The following ZNF536 variants were observed in gnomAD, a reference collection of about 807,000 sequenced individuals.
ZNF536 encodes zinc finger protein 536.
A neutral mutation model predicts 84.5 loss-of-function variants in ZNF536; 13 were observed. The ratio of observed to expected loss-of-function variants is 0.15; its 90% CI spans 0.10 to 0.24. The LOEUF (loss-of-function observed/expected upper bound fraction) is 0.24, where lower values mean the gene tolerates loss of function less well. Among genes scored for constraint, ZNF536 ranks in the 10% least tolerant of loss-of-function variants. The pLI is 1.00. For synonymous variants in ZNF536, 811 were observed against 742.5 expected (o/e 1.09, Z -1.50); for missense variants, 1,536 against 1,747.5 (o/e 0.88, Z 2.16).
At chr19:30,524,566 C>T (rs2044497314) in intron 2 of ZNF536, among the ~76,000 whole-genome samples, 1 of 152,170 alleles carries the variant, frequency 6.6e-6, no homozygotes, top group Non-Finnish European at 1.5e-5. Context: ...TTTCAGTGTG[C>T]TCAATTCCCA....
intron 1 of ZNF536, among the ~76,000 whole-genome samples, chr19:30,606,891 C>G (rs915812922): frequency 6.6e-6 from 1 of 151,994 alleles, no homozygotes. Flanking sequence ...TGTCAATCCT[C>G]GAATCATGGA....
At chr19:30,522,721 G>A (rs905049830) in intron 2 of ZNF536, among the ~76,000 whole-genome samples, 5 of 152,028 alleles carry the variant, frequency 3.3e-5, no homozygotes, top group East Asian at 1.9e-4. Context: ...AATCATTTTG[G>A]TCCCCTGTCT....
intron 1 of ZNF536, among the ~76,000 whole-genome samples, chr19:30,249,376 G>A (rs1182708531): frequency 4.0e-5 from 6 of 148,844 alleles, no homozygotes; most frequent in East Asian, 4.2e-4. Context: ...GGACAAGGAG[G>A]AGGGGGAGGA....
intron 1 of ZNF536, among the ~76,000 whole-genome samples, chr19:30,708,008 C>CAAAAAAA (rs60270540): frequency 9.7e-6 from 1 of 102,946 alleles, no homozygotes. Context: ...GAGACTCCAT[C>CAAAAAAA]AAAAAAAAAA....
chr19:30,384,226 CCCTCCCTTCCTTCTTT>C (rs2049231368), intron 1 of ZNF536, among the ~76,000 whole-genome samples: 2 of 57,344 alleles, frequency 3.5e-5, no homozygotes, highest in African/African-American at 1.0e-4. Context: ...CTCCCTCCCT[CCCTCCCTTCCTTCTTT>C]CCTCCCTCCC....
intron 2 of ZNF536, among the ~76,000 whole-genome samples, chr19:30,494,347 C>T (rs915508138): frequency 2.0e-5 from 3 of 152,216 alleles, no homozygotes; most frequent in Admixed American, 2.0e-4. Flanking sequence ...AAGCACTGGG[C>T]TCCTTGCAAA....
chr19:30,418,316 C>T (rs1245779768), intron 1 of ZNF536, among the ~76,000 whole-genome samples: 1 of 152,168 alleles, frequency 6.6e-6, no homozygotes, highest in Non-Finnish European at 1.5e-5. Context: ...CTTCTCTTCT[C>T]TGGAGAAGGC....
chr19:30,549,834 T>G (rs1305454321), intron 4 of ZNF536, among the ~76,000 whole-genome samples: 6 of 152,170 alleles, frequency 3.9e-5, no homozygotes, highest in South Asian at 2.1e-4. Context: ...AAAATCGACT[T>G]ACAAAACAAA....
intron 1 of ZNF536, among the ~76,000 whole-genome samples, chr19:30,400,962 C>T (rs140635754): frequency 2.0e-5 from 3 of 151,926 alleles, no homozygotes; most frequent in Non-Finnish European, 4.4e-5. Flanking sequence ...GATTTTTTTC[C>T]TATATTATCT....
At chr19:30,634,877 C>T (rs1268289838) in intron 1 of ZNF536, among the ~76,000 whole-genome samples, 1 of 152,046 alleles carries the variant, frequency 6.6e-6, no homozygotes, top group Non-Finnish European at 1.5e-5. Context: ...TGCCTGGGTA[C>T]GTGTGTGTCT....
chr19:30,713,526 AGTT>A (rs1470688772), exon 2 of ZNF536: 1 of 152,204 alleles, frequency 6.6e-6, no homozygotes, highest in Non-Finnish European at 1.5e-5. Context: ...AAGTATTAAA[AGTT>A]GTTTTTTCAG....
intron 1 of ZNF536, among the ~76,000 whole-genome samples, chr19:30,624,591 T>C (rs1380348417): frequency 2.0e-4 from 30 of 152,212 alleles, no homozygotes; most frequent in Non-Finnish European, 1.5e-5. Context: ...AGTGCATTAT[T>C]ATTTCAGGCT....
intron 1 of ZNF536, among the ~76,000 whole-genome samples, chr19:30,236,188 G>A (rs903560278): frequency 6.6e-6 from 1 of 152,252 alleles, no homozygotes. Context: ...TGGAGGGCTT[G>A]CTTCTGTGCT....
chr19:30,317,386 T>G (rs2046715024), intron 2 of ZNF536, among the ~76,000 whole-genome samples: 1 of 152,230 alleles, frequency 6.6e-6, no homozygotes, highest in Admixed American at 6.5e-5. Context: ...TGCAGGTGCC[T>G]CTGAGTTCAG....
chr19:30,572,392 G>C (rs934295459), intron 1 of ZNF536, among the ~76,000 whole-genome samples: 1 of 152,178 alleles, frequency 6.6e-6, no homozygotes, highest in Non-Finnish European at 1.5e-5. Flanking sequence ...GATATGGAGA[G>C]AGGAGAGGTG....
At chr19:30,294,813 C>T in intron 2 of ZNF536, among the ~76,000 whole-genome samples, 1 of 152,164 alleles carries the variant, frequency 6.6e-6, no homozygotes, top group East Asian at 1.9e-4. Flanking sequence ...CCTACAGGGA[C>T]TGAAGGCTGA....
At chr19:30,273,847 TTAAC>T (rs1184706689) in intron 1 of ZNF536, among the ~76,000 whole-genome samples, 9 of 152,242 alleles carry the variant, frequency 5.9e-5, no homozygotes, top group African/African-American at 1.2e-4. Flanking sequence ...ATGTATGTTC[TTAAC>T]TATGTTCATG....
intron 1 of ZNF536, among the ~76,000 whole-genome samples, chr19:30,236,078 A>G (rs986130266): frequency 3.3e-5 from 5 of 152,120 alleles, no homozygotes; most frequent in African/African-American, 9.7e-5. Context: ...AGAGTTCAAA[A>G]GGTGGAAAAG....
At chr19:30,248,220 C>CT (rs1453251531) in intron 1 of ZNF536, among the ~76,000 whole-genome samples, 4 of 135,026 alleles carry the variant, frequency 3.0e-5, no homozygotes, top group African/African-American at 6.1e-5. Context: ...TTTTTCTTTT[C>CT]TTTCTTTTTT....
Sources: gnomAD v4.1 joint callset for allele counts (sites outside exome capture counted in the v4.1 genomes callset) on GRCh38, gnomAD v4.1.1 for gene constraint, MANE v1.5 for transcripts, NCBI Gene and HGNC (gene_info 2026-07-23, HGNC 2026-07-21) for gene names.